Variants in NDRG3 observed in about 807,000 individuals in gnomAD.
NDRG3 encodes the protein NDRG family member 3.
In NDRG3, 23 loss-of-function variants were observed where a neutral mutation model predicts 57.2. The ratio of observed to expected loss-of-function variants is 0.40; its 90% CI spans 0.29 to 0.57. The LOEUF (loss-of-function observed/expected upper bound fraction) is 0.57, where lower values mean the gene tolerates loss of function less well. NDRG3 is among the 20% of genes least tolerant of loss of function. The pLI is 0.42. For missense variants in NDRG3, 384 were observed against 457.3 expected (o/e 0.84, Z 1.46); for synonymous variants, 132 against 162.6 (o/e 0.81, Z 1.43).
chr20:36,719,195 G>A (rs960211479), intron 2 of NDRG3, among the ~76,000 whole-genome samples: 2 of 152,052 alleles, frequency 1.3e-5, no homozygotes, highest in Non-Finnish European at 2.9e-5. Flanking sequence ...TTTGGAGGCC[G>A]AGGCGGGTGG....
chr20:36,678,710 T>G (rs1980976900), intron 8 of NDRG3, among the ~76,000 whole-genome samples: 1 of 152,182 alleles, frequency 6.6e-6, no homozygotes, highest in Non-Finnish European at 1.5e-5. Flanking sequence ...TATCTATCTA[T>G]AAGCATAGCT....
At chr20:36,675,123 G>C (rs910736361) in intron 8 of NDRG3, among the ~76,000 whole-genome samples, 2 of 142,804 alleles carry the variant, frequency 1.4e-5, no homozygotes, top group Admixed American at 7.3e-5. Flanking sequence ...GCAGTGGCAT[G>C]ATCTTGACTC....
At chr20:36,676,916 T>G (rs765257786) in intron 8 of NDRG3, among the ~76,000 whole-genome samples, 6 of 152,250 alleles carry the variant, frequency 3.9e-5, no homozygotes, top group African/African-American at 7.2e-5. Context: ...CCAGGCCTCC[T>G]GCTCTATGGA....
intron 7 of NDRG3, among the ~76,000 whole-genome samples, chr20:36,681,818 C>T (rs1240569390): frequency 6.6e-6 from 1 of 151,292 alleles, no homozygotes; most frequent in Non-Finnish European, 1.5e-5. Flanking sequence ...CTGCCTCAGC[C>T]TCCTGAGTAG....
intron 9 of NDRG3, among the ~76,000 whole-genome samples, chr20:36,670,329 G>A (rs893200410): frequency 6.6e-6 from 1 of 152,176 alleles, no homozygotes; most frequent in African/African-American, 2.4e-5. Context: ...TCAGCTGGAA[G>A]AATTAAAGTG....
At chr20:36,682,647 G>T in intron 6 of NDRG3, 69 bp from the exon 7 acceptor site, 1 of 1,322,328 alleles carries the variant, frequency 7.6e-7, no homozygotes, top group Non-Finnish European at 1.1e-6. Flanking sequence ...ATAATTGAAA[G>T]CATACAACCT....
chr20:36,696,644 C>T (rs980042051), intron 3 of NDRG3, among the ~76,000 whole-genome samples: 7 of 151,910 alleles, frequency 4.6e-5, no homozygotes, highest in Non-Finnish European at 8.8e-5. Flanking sequence ...AGACGCGCGC[C>T]ACCATGCCTA....
In NDRG3 at chr20:36,682,530, G is replaced by A; in HGVS notation, c.432C>T (p.Leu144=). ...TCTACATACTTACTGCAAATCTGCTGAGGATGTAAGCTCCAGCTCCAACTC... is the reference window on the plus strand; with the variant it reads ...TCTACATACTTACTGCAAATCTGCTAAGGATGTAAGCTCCAGCTCCAACTC... ...GIGVGAGAYI[L]SRFALNHPEL... is the part of the protein sequence containing the mutation. Residue 144 remains leucine, a synonymous_variant, in exon 7 of 16, where the codon CTC becomes CTT. Transcript: ENST00000349004. 3 of 1,613,950 alleles carry A rather than the reference G, an allele frequency of 1.9e-6. No individual in the cohort carries two copies. Among genetic ancestry groups the A allele is most frequent in the Non-Finnish European group, 1.7e-6 (2 of 1,179,870 alleles).
intron 2 of NDRG3, among the ~76,000 whole-genome samples, chr20:36,715,472 A>T (rs1984217778): frequency 6.6e-6 from 1 of 151,224 alleles, no homozygotes; most frequent in Non-Finnish European, 1.5e-5. Flanking sequence ...TCTATTTTTA[A>T]TTACAGCTGT....
chr20:36,690,147 T>C (rs539915819), intron 3 of NDRG3, among the ~76,000 whole-genome samples: 4 of 152,352 alleles, frequency 2.6e-5, no homozygotes, highest in African/African-American at 9.6e-5. Context: ...TACTTCTAAG[T>C]TCTAAGACAT....
chr20:36,714,828 G>T (rs1434384698), intron 2 of NDRG3, among the ~76,000 whole-genome samples: 1 of 150,908 alleles, frequency 6.6e-6, no homozygotes, highest in African/African-American at 2.4e-5. Context: ...GGTAAGGCTG[G>T]TCTCGAACTC....
intron 13 of NDRG3, among the ~76,000 whole-genome samples, chr20:36,658,849 A>G (rs1362755347): frequency 1.3e-5 from 2 of 152,162 alleles, no homozygotes; most frequent in Non-Finnish European, 2.9e-5. Flanking sequence ...ATCCACCCTC[A>G]TCATAAGAAT....
chr20:36,663,211 C>T (rs779166110), intron 12 of NDRG3, among the ~76,000 whole-genome samples: 5 of 152,056 alleles, frequency 3.3e-5, no homozygotes, highest in Non-Finnish European at 7.4e-5. Context: ...GCAAGTCATG[C>T]CATGTATTTC....
In NDRG3 at chr20:36,712,393, CTTTTTTT is replaced by C. The variant is rs532490524; in HGVS notation, c.58-5393_58-5387del. Among the ~76,000 whole-genome samples the C allele has an allele frequency of 8.0e-5, 10 of 124,276 alleles. No homozygotes were observed. The South Asian group carries it at 1.2e-3, about 15-fold the overall frequency. 81.5% of individuals were successfully genotyped at this position (124,276 alleles called of 152,430 possible). On this transcript the variant is annotated intron_variant, in intron 2 of 15. Coordinates refer to ENST00000349004, the MANE Select transcript of NDRG3 (RefSeq NM_032013.4). ...TAGAGACTTGTTTCTTTTTCTTTTT[CTTTTTTT>C]TTTTTTTTTTCCTGAGATAGGGTCT...
chr20:36,706,568 G>T (rs998464861), intron 3 of NDRG3, among the ~76,000 whole-genome samples: 2 of 152,080 alleles, frequency 1.3e-5, no homozygotes, highest in African/African-American at 4.8e-5. Flanking sequence ...GCAGTAGCAC[G>T]ATCTCGGCTC....
chr20:36,735,876 T>G (rs1204411139), intron 1 of NDRG3, among the ~76,000 whole-genome samples: 3 of 148,044 alleles, frequency 2.0e-5, no homozygotes, highest in African/African-American at 7.5e-5. Context: ...TAATCCCAGC[T>G]CAGGAGGCTG....
chr20:36,719,731 GA>G (rs1485627199), intron 2 of NDRG3, among the ~76,000 whole-genome samples: 1 of 151,374 alleles, frequency 6.6e-6, no homozygotes, highest in Non-Finnish European at 1.5e-5. Flanking sequence ...ACTCCCTCAG[GA>G]AAGGATGGCA....
chr20:36,677,343 G>A (rs956129825), intron 8 of NDRG3, among the ~76,000 whole-genome samples: 1 of 152,226 alleles, frequency 6.6e-6, no homozygotes, highest in Admixed American at 6.5e-5. Flanking sequence ...GGCCAGGGAG[G>A]CCCTGAAGGC....
intron 1 of NDRG3, among the ~76,000 whole-genome samples, chr20:36,730,141 G>A (rs1985187870): frequency 1.3e-5 from 2 of 151,518 alleles, no homozygotes; most frequent in African/African-American, 2.4e-5. Flanking sequence ...CAGCTACTCG[G>A]GAGGCAGAAG....
Sources: gnomAD v4.1 joint callset for allele counts (sites outside exome capture counted in the v4.1 genomes callset) on GRCh38, gnomAD v4.1.1 for gene constraint, MANE v1.5 for transcripts, NCBI Gene and HGNC (gene_info 2026-07-23, HGNC 2026-07-21) for gene names.